The following DPP6 variants were observed in gnomAD, a reference collection of about 807,000 sequenced individuals.
The protein encoded by DPP6 is A-type potassium channel modulatory protein DPP6.
In DPP6, 69 loss-of-function variants were observed where a neutral mutation model predicts 122.6. The observed-to-expected ratio is 0.56, with a 90% CI of 0.46 to 0.69. The LOEUF is 0.69. Among genes scored for constraint, DPP6 ranks in the 30% least tolerant of loss-of-function variants. DPP6 has a pLI of 0.00. For missense variants in DPP6, 928 were observed against 1,116.9 expected (o/e 0.83, Z 2.41); for synonymous variants, 418 against 433.1 (o/e 0.97, Z 0.43).
At chr7:154,722,570 G>T (rs886269858) in intron 7 of DPP6, among the ~76,000 whole-genome samples, 1 of 152,188 alleles carries the variant, frequency 6.6e-6, no homozygotes, top group African/African-American at 2.4e-5. Flanking sequence ...GAGAAAAATC[G>T]TGTTTCAGTA....
At chr7:154,643,911 T>A (rs993809997) in intron 6 of DPP6, among the ~76,000 whole-genome samples, 1 of 152,202 alleles carries the variant, frequency 6.6e-6, no homozygotes, top group Non-Finnish European at 1.5e-5. Context: ...AGGAGGGAGA[T>A]ACTCCAGGCA....
intron 1 of DPP6, among the ~76,000 whole-genome samples, chr7:154,074,696 A>G (rs1429036655): frequency 6.6e-6 from 1 of 152,190 alleles, no homozygotes; most frequent in Non-Finnish European, 1.5e-5. Context: ...CACACCGGCT[A>G]CTCCCTGGGT....
At chr7:153,807,351 C>T in the DPP6 span, among the ~76,000 whole-genome samples, 5 of 151,096 alleles carry the variant, frequency 3.3e-5, no homozygotes, top group East Asian at 7.8e-4. Context: ...TGCAGTGAGC[C>T]GAGATCGTGC....
At chr7:154,237,994 G>A (rs1236199007) in intron 1 of DPP6, among the ~76,000 whole-genome samples, 1 of 152,162 alleles carries the variant, frequency 6.6e-6, no homozygotes, top group East Asian at 1.9e-4. Flanking sequence ...GAGGATCCCA[G>A]GGACGTGCTG....
intron 16 of DPP6, chr7:154,838,821 G>T (rs764971759): frequency 7.9e-5 from 12 of 152,238 alleles, no homozygotes; most frequent in Non-Finnish European, 1.8e-4. Flanking sequence ...TGGCCGGTGG[G>T]TCCCTCGAGG....
At chr7:154,304,982 G>C (rs1390682805) in intron 1 of DPP6, 1 of 155,444 alleles carries the variant, frequency 6.4e-6, no homozygotes, top group East Asian at 1.9e-4. Context: ...CTGCGGGCGC[G>C]GCGTCTCCGC....
At chr7:154,071,804 C>A (rs1171387628) in intron 1 of DPP6, among the ~76,000 whole-genome samples, 3 of 152,196 alleles carry the variant, frequency 2.0e-5, no homozygotes, top group Admixed American at 6.5e-5. Flanking sequence ...AAAGAGGACA[C>A]CGTTGTCTTA....
chr7:154,118,210 G>A (rs1190264162), intron 1 of DPP6, among the ~76,000 whole-genome samples: 2 of 150,890 alleles, frequency 1.3e-5, no homozygotes, highest in Non-Finnish European at 2.9e-5. Context: ...TAAGCAACAG[G>A]GAGCTGCATG....
the DPP6 span, among the ~76,000 whole-genome samples, chr7:153,817,885 G>C: frequency 6.6e-6 from 1 of 151,686 alleles, no homozygotes; most frequent in South Asian, 2.1e-4. Context: ...CCTGCACATT[G>C]TGCACACGAA....
rs540182728 is a variant in DPP6, at chr7:154,619,169, G to A, written c.628-18652G>A. Among the ~76,000 whole-genome samples, 119 of 152,180 alleles carry A rather than the reference G, an allele frequency of 7.8e-4. 1 individual carries two copies. The highest frequency in any genetic ancestry group is 2.3e-3 in the African/African-American group (94 of 41,506). ...AACCTCCTTTCCTTGTAAATTACCC[G>A]GTCTCAGGTATATCTTTATTAGCAG... On this transcript the variant is annotated intron_variant, in intron 5 of 25. Transcript: ENST00000377770.
intron 5 of DPP6, among the ~76,000 whole-genome samples, chr7:154,593,857 G>A (rs1000162268): frequency 2.0e-5 from 3 of 152,234 alleles, no homozygotes; most frequent in African/African-American, 4.8e-5. Context: ...GAACTGGATG[G>A]CATTTTCACA....
intron 1 of DPP6, among the ~76,000 whole-genome samples, chr7:154,148,309 T>C (rs1219641157): frequency 7.0e-6 from 1 of 143,262 alleles, no homozygotes; most frequent in East Asian, 2.0e-4. Flanking sequence ...TCAGACTCTC[T>C]GCACATGTTT....
intron 1 of DPP6, among the ~76,000 whole-genome samples, chr7:154,269,807 GA>G (rs1803672201): frequency 6.6e-6 from 1 of 152,122 alleles, no homozygotes; most frequent in Non-Finnish European, 1.5e-5. Flanking sequence ...CTGAATCTCA[GA>G]GGTACAAATT....
chr7:154,756,785 G>T (rs1476547917), intron 8 of DPP6, among the ~76,000 whole-genome samples: 1 of 152,062 alleles, frequency 6.6e-6, no homozygotes, highest in Non-Finnish European at 1.5e-5. Context: ...GATTCAGCTC[G>T]CGAGATATTC....
At chr7:154,228,742 T>C (rs1252753608) in intron 1 of DPP6, among the ~76,000 whole-genome samples, 2 of 152,148 alleles carry the variant, frequency 1.3e-5, no homozygotes, top group Non-Finnish European at 2.9e-5. Context: ...AACATTAACT[T>C]TATTTCTCAG....
At chr7:153,992,787 A>T (rs1797239767) in intron 1 of DPP6, among the ~76,000 whole-genome samples, 2 of 152,128 alleles carry the variant, frequency 1.3e-5, no homozygotes, top group African/African-American at 4.8e-5. Flanking sequence ...TCCTCCAAAA[A>T]AGCTCTAAAC....
intron 1 of DPP6, among the ~76,000 whole-genome samples, chr7:154,337,649 G>T (rs550779727): frequency 1.7e-3 from 255 of 152,122 alleles, no homozygotes; most frequent in Non-Finnish European, 1.1e-3. Context: ...AACTCCCAGG[G>T]TTCTTCCCAG....
intron 1 of DPP6, among the ~76,000 whole-genome samples, chr7:154,444,475 T>G (rs956399323): frequency 1.7e-4 from 26 of 152,074 alleles, no homozygotes; most frequent in African/African-American, 6.3e-4. Flanking sequence ...AAAAATGAAA[T>G]AGAAACAATA....
At chr7:154,178,549 C>T (rs1429828542) in intron 1 of DPP6, among the ~76,000 whole-genome samples, 5 of 152,120 alleles carry the variant, frequency 3.3e-5, no homozygotes, top group South Asian at 2.1e-4. Context: ...TTTAGGATCC[C>T]TCTTTGAGTG....
Sources: allele counts gnomAD v4.1 joint callset (sites outside exome capture counted in the v4.1 genomes callset), GRCh38; gene constraint gnomAD v4.1.1; transcripts MANE v1.5; gene names NCBI Gene and HGNC (gene_info 2026-07-23, HGNC 2026-07-21).